Variants in ALMS1 observed in about 807,000 individuals in gnomAD.
ALMS1 encodes ALMS1 centrosome and basal body associated protein.
A neutral mutation model predicts 352.2 loss-of-function variants in ALMS1; 271 were observed. The observed-to-expected ratio is 0.77, with a 90% CI of 0.70 to 0.85. The LOEUF (loss-of-function observed/expected upper bound fraction) is 0.85, where lower values mean the gene tolerates loss of function less well. ALMS1 is among the 40% of genes least tolerant of loss of function. The probability of loss-of-function intolerance (pLI) is 0.00; values close to 1 mark genes in which losing one functional copy is unlikely to be tolerated. For missense variants in ALMS1, 5,445 were observed against 4,870.7 expected, an observed-to-expected ratio of 1.12 and a Z score of -3.51; for synonymous variants, 1,865 against 1,761.2, an observed-to-expected ratio of 1.06 and a Z score of -1.48.
At chr2:73,563,789 A>G (rs1281319775) in intron 15 of ALMS1, among the ~76,000 whole-genome samples, 1 of 150,918 alleles carries the variant, frequency 6.6e-6, no homozygotes, top group Non-Finnish European at 1.5e-5. Context: ...AACTCTTAGG[A>G]TGGATTGTGA....
chr2:73,490,535 C>T lies in ALMS1; in HGVS notation c.8576C>T (p.Ser2859Leu), dbSNP rs538382027. The stretch of plus-strand genomic sequence containing the variant: ...AGTTCCACCCTAGGAGTAAACAGAT[C>T]GAGTTCCAGACTAGGAGTAAAAGAG... Reference protein sequence around the residue: ...RPSSTLGVNRSSSRLGVKEKN... With the variant: ...RPSSTLGVNRLSSRLGVKEKN... The change falls in exon 10 of 23, where the codon TCG (serine) becomes TTG (leucine). Residue 2859 changes from serine to leucine, a missense_variant. Ser to Leu is a moderately radical substitution (Grantham distance 145). Coordinates refer to ENST00000613296, the MANE Select transcript of ALMS1 (RefSeq NM_001378454.1). 5.6e-6 allele frequency: 9 copies of T among 1,614,110 alleles called. No homozygotes were observed. Among genetic ancestry groups the T allele is most frequent in the South Asian group, 4.4e-5 (4 of 91,074 alleles).
intron 12 of ALMS1, among the ~76,000 whole-genome samples, chr2:73,545,266 C>T (rs142131825): frequency 0.01 from 1,562 of 151,510 alleles, 24 homozygotes; most frequent in African/African-American, 0.036. Flanking sequence ...CTGCAGCCTC[C>T]GCCTCCCAGA....
intron 16 of ALMS1, among the ~76,000 whole-genome samples, chr2:73,592,365 A>C (rs1675451305): frequency 6.6e-6 from 1 of 152,240 alleles, no homozygotes; most frequent in Non-Finnish European, 1.5e-5. Context: ...TTGGACAGAC[A>C]CTTGGTCATT....
intron 16 of ALMS1, among the ~76,000 whole-genome samples, chr2:73,598,652 A>G (rs557005648): frequency 1.1e-4 from 17 of 152,328 alleles, no homozygotes; most frequent in Non-Finnish European, 1.8e-4. Flanking sequence ...TATTCAAAAT[A>G]TAGATTACCA....
chr2:73,403,814 T>C (rs1670918393), intron 1 of ALMS1, among the ~76,000 whole-genome samples: 1 of 152,186 alleles, frequency 6.6e-6, no homozygotes, highest in East Asian at 1.9e-4. Context: ...GTTTTCTTGA[T>C]TTCTTTTTCA....
Position 73,402,080 on chromosome 2 carries a change from GTTTA to G in ALMS1, c.325-6539_325-6536del, listed in dbSNP as rs1210696722. The stretch of plus-strand genomic sequence containing the variant: ...TGAGTGTATGTGTGTGTGTCTTGTA[GTTTA>G]TTCATTCATCAATGGATGCTGTAGT... On this transcript the variant is annotated intron_variant, in intron 1 of 22. Transcript: ENST00000613296. Among the ~76,000 whole-genome samples the G allele has an allele frequency of 2.6e-5, 4 of 151,604 alleles. No individual in the cohort carries two copies. In the East Asian group the frequency reaches 5.8e-4, roughly 22 times the overall value.
At position 73,572,667 on chromosome 2, in the gene ALMS1, G is replaced by A. The variant is rs1674962503; in HGVS notation, c.10790G>A (p.Ser3597Asn). 2 of 1,614,090 alleles carry A rather than the reference G, an allele frequency of 1.2e-6. No homozygotes were observed. Among genetic ancestry groups the A allele is most frequent in the Non-Finnish European group, 8.5e-7 (1 of 1,179,996 alleles). ...TPEQTTQHTV[S>N]LNELWNKYRE... is the part of the protein sequence containing the mutation. ...GAGCAAACAACTCAGCACACTGTGA[G>A]TTTGAATGAACTGTGGAACAAGTAT... The change falls in exon 16 of 23, where the codon AGT (serine) becomes AAT (asparagine). Residue 3597 changes from serine to asparagine, a missense_variant. Coordinates refer to ENST00000613296, the MANE Select transcript of ALMS1 (RefSeq NM_001378454.1).
chr2:73,541,921 C>G (rs918256388), intron 12 of ALMS1, among the ~76,000 whole-genome samples: 1 of 152,142 alleles, frequency 6.6e-6, no homozygotes, highest in African/African-American at 2.4e-5. Context: ...GGATTCACAG[C>G]CGAATTGTAC....
At chr2:73,461,635 G>C (rs144329871) in intron 9 of ALMS1, among the ~76,000 whole-genome samples, 2,483 of 152,258 alleles carry the variant, frequency 0.016, 70 homozygotes, top group African/African-American at 0.057. Context: ...AGAGAAGAAG[G>C]CTTCAGATGA....
intron 7 of ALMS1, among the ~76,000 whole-genome samples, chr2:73,446,884 C>G (rs1671819837): frequency 6.6e-6 from 1 of 152,134 alleles, no homozygotes; most frequent in Non-Finnish European, 1.5e-5. Flanking sequence ...CATTGAGAAG[C>G]ACTGTTACAT....
chr2:73,529,169 G>A (rs752902579), intron 11 of ALMS1, among the ~76,000 whole-genome samples: 3 of 147,290 alleles, frequency 2.0e-5, no homozygotes, highest in East Asian at 4.2e-4. Context: ...TCACCCTCCC[G>A]AGTAGCTGGA....
At chr2:73,461,847 G>A (rs909344095) in intron 9 of ALMS1, among the ~76,000 whole-genome samples, 8 of 152,146 alleles carry the variant, frequency 5.3e-5, no homozygotes, top group Non-Finnish European at 1.2e-4. Context: ...CTGGAAGAAA[G>A]GGTATCAGTG....
At chr2:73,417,871 T>C (rs1325929396) in intron 2 of ALMS1, among the ~76,000 whole-genome samples, 1 of 152,186 alleles carries the variant, frequency 6.6e-6, no homozygotes, top group Non-Finnish European at 1.5e-5. Context: ...ACCATTAGTA[T>C]TTAATACGAC....
chr2:73,405,869 T>G (rs1396903701), intron 1 of ALMS1, among the ~76,000 whole-genome samples: 1 of 152,184 alleles, frequency 6.6e-6, no homozygotes, highest in African/African-American at 2.4e-5. Flanking sequence ...ATTTTCCACT[T>G]TTCTTTCTGC....
intron 11 of ALMS1, among the ~76,000 whole-genome samples, 154 bp downstream of exon 11, chr2:73,520,170 G>C (rs1673647797): frequency 6.6e-6 from 1 of 152,156 alleles, no homozygotes; most frequent in Non-Finnish European, 1.5e-5. Flanking sequence ...TTGCATAGCT[G>C]TCAACAGAAT....
intron 3 of ALMS1, among the ~76,000 whole-genome samples, chr2:73,421,685 T>C (rs1217514922): frequency 6.6e-6 from 1 of 152,116 alleles, no homozygotes; most frequent in Non-Finnish European, 1.5e-5. Flanking sequence ...GGGAAGTGGA[T>C]AGACTGAAGA....
intron 21 of ALMS1, 137 bp from the exon 22 acceptor site, chr2:73,608,338 G>A (rs764434143): frequency 3.2e-5 from 23 of 717,984 alleles, no homozygotes; most frequent in Admixed American, 1.0e-4. Context: ...AGTATCTAAC[G>A]GGGCCCAGGG....
rs45630561 is a variant in ALMS1, at chr2:73,599,403, A to G, written c.11550A>G (p.Val3850=). The change falls in exon 17 of 23, where the codon GTA becomes GTG. Residue 3850 remains valine (V), a splice_region_variant and synonymous_variant. Coordinates refer to ENST00000613296, the MANE Select transcript of ALMS1 (RefSeq NM_001378454.1). ...CAAGATCTCTTTTATTTTTCTAGGT[A>G]GCAAACCATGTGATTTCTTCTGACT... ...SEHTRRRHIQ[V]ANHVISSDSI... 81 of 1,612,804 alleles carry G rather than the reference A, an allele frequency of 5.0e-5. No homozygotes were observed. In the Admixed American group the frequency reaches 5.7e-4, roughly 11 times the overall value.
Position 73,601,205 on chromosome 2 carries a change from G to A in ALMS1, c.11883G>A (p.Trp3961Ter). The change falls in exon 19 of 23, where the codon TGG becomes TGA. Residue 3961 changes from tryptophan to a stop codon, truncating the protein, a stop_gained. Transcript: ENST00000613296. LOFTEE classifies it high-confidence loss of function. The part of the protein sequence containing the change: ...NKKNSHEGVS[W>*]FVPVENVESR... ...AACTGTTTCCTGTAGGAGTTTCCTG[G>A]TTTGTTCCTGTGGAAAATGTGGAGT... is the stretch of plus-strand genomic sequence containing the variant. The A allele has an allele frequency of 6.2e-7, 1 of 1,614,190 alleles. No homozygotes were observed. Among genetic ancestry groups the A allele is most frequent in the Non-Finnish European group, 8.5e-7 (1 of 1,180,024 alleles).
Sources: gnomAD v4.1 joint callset for allele counts (sites outside exome capture counted in the v4.1 genomes callset) on GRCh38, gnomAD v4.1.1 for gene constraint, MANE v1.5 for transcripts, NCBI Gene and HGNC (gene_info 2026-07-23, HGNC 2026-07-21) for gene names.